MRPL37: variants seen among roughly 807,000 people sequenced by gnomAD.
The protein encoded by MRPL37 is large ribosomal subunit protein mL37.
A neutral mutation model predicts 44.1 loss-of-function variants in MRPL37; 34 were observed. The observed-to-expected ratio is 0.77, with a 90% confidence interval of 0.59 to 1.03. MRPL37 has a LOEUF of 1.03. Ranked by LOEUF, MRPL37 falls within the 50% of genes least tolerant of loss-of-function variation. The pLI is 0.00. For synonymous variants in MRPL37, 212 were observed against 219.5 expected, an observed-to-expected ratio of 0.97 and a Z score of 0.30; for missense variants, 532 against 543.7, an observed-to-expected ratio of 0.98 and a Z score of 0.21.
At chr1:54,210,388 T>C (rs1025697296) in intron 4 of MRPL37, among the ~76,000 whole-genome samples, 1 of 152,218 alleles carries the variant, frequency 6.6e-6, no homozygotes, top group Non-Finnish European at 1.5e-5. Flanking sequence ...GTAACTCTAT[T>C]ACATCAGAGT....
At chr1:54,222,359 G>T (rs898946929), downstream of MRPL37, among the ~76,000 whole-genome samples, 4 of 152,206 alleles carry the variant, frequency 2.6e-5, no homozygotes, top group Admixed American at 2.6e-4. Context: ...AAGGCCCTGG[G>T]GGGGCAGACA....
At position 54,205,107 on chromosome 1, in the gene MRPL37, C is replaced by G; in HGVS notation, c.436C>G (p.His146Asp). The change falls in exon 2 of 7, where the codon CAC becomes GAC. Residue 146 changes from histidine (H) to aspartate (D), a missense_variant. Coordinates refer to ENST00000360840, the MANE Select transcript of MRPL37 (RefSeq NM_016491.4). ...VLSLVDDPRN[H>D]IENQDECVLN... Reference sequence around the variant, plus strand: ...TAGCCTTGTTGATGATCCAAGGAACCACATAGAGAACCAAGACGAGTGCGT... The same window carrying G: ...TAGCCTTGTTGATGATCCAAGGAACGACATAGAGAACCAAGACGAGTGCGT... 1 of 1,614,092 alleles carries G rather than the reference C, an allele frequency of 6.2e-7. No homozygotes were observed. Among genetic ancestry groups the G allele is most frequent in the African/African-American group, 1.3e-5 (1 of 75,034 alleles).
intron 1 of MRPL37, among the ~76,000 whole-genome samples, chr1:54,204,237 G>A (rs982490095): frequency 1.3e-5 from 2 of 152,198 alleles, no homozygotes; most frequent in Middle Eastern, 3.4e-3. Context: ...ACAAAAATTA[G>A]TTGGGTGCTG....
At position 54,210,034 on chromosome 1, in the gene MRPL37, T is replaced by C; in HGVS notation, c.735T>C (p.Ile245=). The change falls in exon 4 of 7, where the codon ATT becomes ATC. Residue 245 remains isoleucine (I), a synonymous_variant. Coordinates refer to ENST00000360840, the MANE Select transcript of MRPL37 (RefSeq NM_016491.4). ...CCACCATCGCCTCCAGAGAGGAGATTGAAGCTACTAAGAATCATGTTCTAG... is the reference window on the plus strand; with the variant it reads ...CCACCATCGCCTCCAGAGAGGAGATCGAAGCTACTAAGAATCATGTTCTAG... ...PLPTIASREE[I]EATKNHVLET... 6.2e-7 allele frequency: 1 copy of C among 1,614,198 alleles called. No individual in the cohort carries two copies. The highest frequency in any genetic ancestry group is 8.5e-7 in the Non-Finnish European group (1 of 1,180,034).
chr1:54,212,796 C>T, intron 5 of MRPL37, 138 bp downstream of exon 5: 4 of 1,233,494 alleles, frequency 3.2e-6, no homozygotes. Context: ...GTACTTCAGC[C>T]CACCCTGTGG....
chr1:54,213,381 G>A (rs927468907), intron 5 of MRPL37, among the ~76,000 whole-genome samples: 1 of 152,172 alleles, frequency 6.6e-6, no homozygotes, highest in African/African-American at 2.4e-5. Flanking sequence ...TGGACCCCCA[G>A]GTCTTGGTTA....
chr1:54,201,905 G>A (rs1644086810), intron 1 of MRPL37, among the ~76,000 whole-genome samples: 1 of 151,958 alleles, frequency 6.6e-6, no homozygotes, highest in Admixed American at 6.6e-5. Flanking sequence ...TTTATCTATT[G>A]TCAAGTTTAA....
chr1:54,218,215 A>G lies in MRPL37; in HGVS notation c.1238A>G (p.Lys413Arg). 6.2e-7 allele frequency: 1 copy of G among 1,614,180 alleles called. No individual in the cohort carries two copies. The highest frequency in any genetic ancestry group is 8.5e-7 in the Non-Finnish European group (1 of 1,180,032). The change falls in exon 7 of 7, where the codon AAG becomes AGG. Residue 413 changes from lysine to arginine, a missense_variant. Physicochemically the swap from Lys to Arg is conservative, Grantham distance 26. Coordinates refer to ENST00000360840, the MANE Select transcript of MRPL37 (RefSeq NM_016491.4). Reference protein sequence around the residue: ...PVGFKPETFRKFLALYLHGAA With the variant: ...PVGFKPETFRRFLALYLHGAA ...GGTTTCAAGCCAGAGACATTCAGAA[A>G]GTTTTTAGCTCTATATTTGCATGGT...
chr1:54,200,270 G>C lies in MRPL37; in HGVS notation c.27G>C (p.Arg9Ser). Residue 9 changes from arginine to serine, a missense_variant, in exon 1 of 7, where the codon AGG (arginine) becomes AGC (serine). Physicochemically the swap from Arg to Ser is moderately radical, Grantham distance 110 (BLOSUM62 -1). Coordinates refer to ENST00000360840, the MANE Select transcript of MRPL37 (RefSeq NM_016491.4). MALASGPA[R>S]RALAGSGQLG... ...TGGCATTGGCGTCCGGGCCCGCAAG[G>C]CGGGCGCTAGCTGGCTCCGGGCAGC... The C allele has an allele frequency of 6.3e-7, 1 of 1,598,730 alleles. No individual in the cohort carries two copies. The highest frequency in any genetic ancestry group is 8.5e-7 in the Non-Finnish European group (1 of 1,174,144).
At chr1:54,225,186 T>A, downstream of MRPL37, 3 of 1,234,342 alleles carry the variant, frequency 2.4e-6, no homozygotes, top group Non-Finnish European at 3.0e-6. Context: ...GGAAAATGGC[T>A]TTTAGACGGC....
At chr1:54,217,822 G>A (rs535143180) in intron 6 of MRPL37, among the ~76,000 whole-genome samples, 166 of 152,316 alleles carry the variant, frequency 1.1e-3, no homozygotes, top group Admixed American at 2.3e-3. Context: ...TATAGGCGCA[G>A]CAGAAAGCAA....
chr1:54,204,951 A>C, intron 1 of MRPL37, 67 bp from the exon 2 acceptor site: 1 of 1,525,080 alleles, frequency 6.6e-7, no homozygotes, highest in Admixed American at 1.9e-5. Flanking sequence ...GCTACCTGGC[A>C]GGTGTAAGCA....
intron 4 of MRPL37, among the ~76,000 whole-genome samples, chr1:54,212,122 A>G (rs1644169400): frequency 6.6e-6 from 1 of 152,202 alleles, no homozygotes; most frequent in South Asian, 2.1e-4. Flanking sequence ...AGAATGAGAG[A>G]GAAAGGTGTG....
chr1:54,216,412 G>C, intron 6 of MRPL37, 68 bp downstream of exon 6: 3 of 1,559,294 alleles, frequency 1.9e-6, no homozygotes, highest in Non-Finnish European at 2.6e-6. Flanking sequence ...TGAGCCTCAG[G>C]TGGGATTGCT....
chr1:54,212,494 C>T lies in MRPL37; in HGVS notation c.833-7C>T. ...TCCACCCCTCCACATAATTGTGTCTCTTGCAGGATTCCAGGAAGGCTATCC... is the reference window on the plus strand; with the variant it reads ...TCCACCCCTCCACATAATTGTGTCTTTTGCAGGATTCCAGGAAGGCTATCC... On this transcript the variant is annotated splice_region_variant and splice_polypyrimidine_tract_variant and intron_variant, in intron 4 of 6. Transcript: ENST00000360840. 1.2e-6 allele frequency: 2 copies of T among 1,613,648 alleles called. No homozygotes were observed. Among genetic ancestry groups the T allele is most frequent in the Non-Finnish European group, 1.7e-6 (2 of 1,179,712 alleles).
At chr1:54,214,255 T>A (rs1199282990) in intron 5 of MRPL37, among the ~76,000 whole-genome samples, 1 of 152,164 alleles carries the variant, frequency 6.6e-6, no homozygotes, top group Non-Finnish European at 1.5e-5. Context: ...TATTTAATCC[T>A]TGTAGTTTTT....
At chr1:54,222,453 G>A (rs1009041302), downstream of MRPL37, among the ~76,000 whole-genome samples, 6 of 152,136 alleles carry the variant, frequency 3.9e-5, no homozygotes, top group African/African-American at 1.4e-4. Context: ...ATGCCCTGCA[G>A]CTATCTGGAA....
At chr1:54,224,431 C>G (rs569631688), downstream of MRPL37, among the ~76,000 whole-genome samples, 5 of 152,330 alleles carry the variant, frequency 3.3e-5, no homozygotes, top group South Asian at 1.0e-3. Context: ...CTAAGCACTT[C>G]ACGGTGCTAA....
At chr1:54,217,595 A>C (rs1205569201) in intron 6 of MRPL37, among the ~76,000 whole-genome samples, 1 of 152,058 alleles carries the variant, frequency 6.6e-6, no homozygotes, top group Admixed American at 6.5e-5. Flanking sequence ...GGGCTTTCTG[A>C]AGTCTCCTTC....
Sources: allele counts gnomAD v4.1 joint callset (sites outside exome capture counted in the v4.1 genomes callset), GRCh38; gene constraint gnomAD v4.1.1; transcripts MANE v1.5; gene names NCBI Gene and HGNC (gene_info 2026-07-23, HGNC 2026-07-21).